The following GGTA1 variants were observed in gnomAD, a reference collection of about 807,000 sequenced individuals.
GGTA1 encodes the protein glycoprotein alpha-galactosyltransferase 1 (inactive).
A neutral mutation model predicts 2.6 loss-of-function variants in GGTA1; 5 were observed. The observed-to-expected ratio is 1.92, with a 90% CI of 1.00 to 4.04. GGTA1 has a LOEUF of 4.04. GGTA1 is among the 30% of genes most tolerant of loss of function. The pLI, the probability that GGTA1 is intolerant of heterozygous loss-of-function variation, is 0.00. For synonymous variants in GGTA1, 17 were observed against 5.0 expected (o/e 3.38, Z -3.19); for missense variants, 50 against 16.7 (o/e 2.99, Z -3.47).
At chr9:121,456,750 T>G (rs974987555) in intron 5 of GGTA1, among the ~76,000 whole-genome samples, 3 of 151,786 alleles carry the variant, frequency 2.0e-5, no homozygotes, top group Admixed American at 6.6e-5. Flanking sequence ...ATGGAGTAGG[T>G]TAAAAAAAGA....
intron 2 of GGTA1, among the ~76,000 whole-genome samples, chr9:121,464,996 C>CAAAA (rs2064993255): frequency 8.9e-6 from 1 of 112,830 alleles, no homozygotes; most frequent in Admixed American, 8.9e-5. Flanking sequence ...GGCAAAAAAA[C>CAAAA]AAAACAAACA....
intron 2 of GGTA1, among the ~76,000 whole-genome samples, chr9:121,463,548 T>C (rs1276770091): frequency 6.6e-6 from 1 of 151,936 alleles, no homozygotes; most frequent in African/African-American, 2.4e-5. Context: ...AAATCTCAAA[T>C]TGTGTGTTTG....
chr9:121,491,812 G>A (rs1012298603), intron 1 of GGTA1, among the ~76,000 whole-genome samples: 7 of 152,074 alleles, frequency 4.6e-5, no homozygotes, highest in African/African-American at 2.4e-5. Context: ...GTTTCACCAT[G>A]TTGGCCAGGG....
intron 3 of GGTA1, 104 bp downstream of exon 3, chr9:121,463,189 T>C (rs1387354830): frequency 7.0e-6 from 3 of 429,428 alleles, no homozygotes; most frequent in Admixed American, 6.1e-5. Context: ...CCTCCGACTT[T>C]GGCCGAACAC....
chr9:121,487,302 C>T lies in GGTA1; in HGVS notation c.-10+12348G>A, dbSNP rs557513502. Among the ~76,000 whole-genome samples the T allele has an allele frequency of 6.7e-5, 10 of 149,966 alleles. No homozygotes were observed. In the East Asian group the frequency reaches 7.8e-4, roughly 12 times the overall value. ...CGAGTTAAAGATGAGGCTCAGGCTG[C>T]GCGCGGTGACTCACACCTTAATCCC... is the stretch of plus-strand genomic sequence containing the variant. On this transcript the variant is annotated intron_variant, in intron 1 of 5. Transcript: ENST00000481799.
intron 1 of GGTA1, among the ~76,000 whole-genome samples, chr9:121,469,189 A>T (rs10985260): frequency 0.062 from 9,490 of 152,244 alleles, 347 homozygotes; most frequent in East Asian, 0.11. Flanking sequence ...TGATCAGGGA[A>T]GGCTCACTGT....
chr9:121,459,085 C>G (rs16910635), intron 5 of GGTA1, among the ~76,000 whole-genome samples: 12,730 of 152,282 alleles, frequency 0.084, 604 homozygotes, highest in African/African-American at 0.12. Flanking sequence ...GCATGGATCC[C>G]TTATCCCCAA....
intron 1 of GGTA1, among the ~76,000 whole-genome samples, chr9:121,483,785 G>C (rs1285443994): frequency 6.6e-6 from 1 of 152,214 alleles, no homozygotes; most frequent in Non-Finnish European, 1.5e-5. Flanking sequence ...GTCACTTCCT[G>C]CTGGGAAACT....
At chr9:121,494,698 AG>A (rs1474055712) in intron 1 of GGTA1, 1 of 152,368 alleles carries the variant, frequency 6.6e-6, no homozygotes, top group Admixed American at 6.5e-5. Flanking sequence ...TTGCCTAAGG[AG>A]GGGTAAACTG....
chr9:121,481,680 C>CAAAAAAAAAA (rs34813039), intron 1 of GGTA1, among the ~76,000 whole-genome samples: 2 of 64,214 alleles, frequency 3.1e-5, no homozygotes, highest in East Asian at 4.2e-4. Context: ...GACTCTGTCT[C>CAAAAAAAAAA]AAAAAAAAAA....
intron 1 of GGTA1, among the ~76,000 whole-genome samples, chr9:121,486,847 T>C (rs1214078566): frequency 6.6e-6 from 1 of 152,182 alleles, no homozygotes; most frequent in East Asian, 1.9e-4. Context: ...TATAATTGTC[T>C]CATTATTTGT....
chr9:121,470,308 G>A (rs1302236696), intron 1 of GGTA1, among the ~76,000 whole-genome samples: 6 of 152,236 alleles, frequency 3.9e-5, no homozygotes, highest in Non-Finnish European at 7.3e-5. Flanking sequence ...GGAGAAGAAA[G>A]AAACAAGGTT....
At chr9:121,465,011 A>C (rs6478509) in intron 2 of GGTA1, among the ~76,000 whole-genome samples, 91,536 of 149,584 alleles carry the variant, frequency 0.61, 29,254 homozygotes, top group South Asian at 0.73. Flanking sequence ...CAAACAAAAA[A>C]AAAAAAACAA....
chr9:121,465,169 C>A (rs1242565581), intron 2 of GGTA1, among the ~76,000 whole-genome samples: 2 of 152,184 alleles, frequency 1.3e-5, no homozygotes, highest in Non-Finnish European at 1.5e-5. Context: ...AGAGTGTGCC[C>A]AGAGAGGCTG....
At chr9:121,497,910 C>T (rs1176708364) in intron 1 of GGTA1, among the ~76,000 whole-genome samples, 1 of 152,152 alleles carries the variant, frequency 6.6e-6, no homozygotes, top group Non-Finnish European at 1.5e-5. Context: ...CTGCTCAGAG[C>T]CACCATGGCC....
chr9:121,458,308 G>A (rs569920853), intron 5 of GGTA1, among the ~76,000 whole-genome samples: 1 of 151,958 alleles, frequency 6.6e-6, no homozygotes, highest in Admixed American at 6.6e-5. Flanking sequence ...TAAATTTGGT[G>A]CCACTTCAAA....
At chr9:121,457,911 C>CT (rs530400416) in intron 5 of GGTA1, among the ~76,000 whole-genome samples, 2,391 of 135,290 alleles carry the variant, frequency 0.018, 75 homozygotes, top group African/African-American at 0.056. Context: ...GAAAAGGATA[C>CT]TTTTTTTTTT....
chr9:121,470,434 G>T (rs1828365100), intron 1 of GGTA1, among the ~76,000 whole-genome samples: 1 of 152,176 alleles, frequency 6.6e-6, no homozygotes, highest in African/African-American at 2.4e-5. Context: ...TTAATTTTGA[G>T]GTGTCTACAC....
chr9:121,487,488 A>G (rs1204374555), intron 1 of GGTA1, among the ~76,000 whole-genome samples: 4 of 149,702 alleles, frequency 2.7e-5, no homozygotes, highest in Non-Finnish European at 5.9e-5. Flanking sequence ...AGTCAGGAGA[A>G]TCGTTTGAAC....
Sources: allele counts gnomAD v4.1 joint callset (sites outside exome capture counted in the v4.1 genomes callset), GRCh38; gene constraint gnomAD v4.1.1; transcripts MANE v1.5; gene names NCBI Gene and HGNC (gene_info 2026-07-23, HGNC 2026-07-21).